Variants in PKP4 observed in about 807,000 individuals in gnomAD.
PKP4 encodes plakophilin 4.
PKP4 carries 90 observed loss-of-function variants against 145.1 expected under a neutral mutation model. The observed-to-expected ratio is 0.62, with a 90% CI of 0.52 to 0.74. The LOEUF (loss-of-function observed/expected upper bound fraction) is 0.74, where lower values mean the gene tolerates loss of function less well. PKP4 is among the 30% of genes least tolerant of loss of function. The pLI, the probability that PKP4 is intolerant of heterozygous loss-of-function variation, is 0.00. For synonymous variants in PKP4, 563 were observed against 577.2 expected, an observed-to-expected ratio of 0.98 and a Z score of 0.35; for missense variants, 1,340 against 1,482.7, an observed-to-expected ratio of 0.90 and a Z score of 1.58.
chr2:158,562,821 AAATTTAAAGTT>A, intron 2 of PKP4, among the ~76,000 whole-genome samples: 1 of 152,320 alleles, frequency 6.6e-6, no homozygotes, highest in African/African-American at 2.4e-5. Flanking sequence ...ACATGATTCA[AAATTTAAAGTT>A]AATTGGGTCC....
At chr2:158,530,749 C>T (rs1459501018) in intron 1 of PKP4, among the ~76,000 whole-genome samples, 6 of 151,808 alleles carry the variant, frequency 4.0e-5, no homozygotes, top group African/African-American at 1.5e-4. Context: ...AGTGTCTCAC[C>T]CTTAGTAACG....
At chr2:158,524,299 C>CA (rs1450566225) in intron 1 of PKP4, among the ~76,000 whole-genome samples, 2 of 96,338 alleles carry the variant, frequency 2.1e-5, no homozygotes, top group Non-Finnish European at 4.0e-5. Flanking sequence ...AGAAACCCTA[C>CA]AAGCCAGAAG....
chr2:158,604,773 AAAG>A (rs2050515977), intron 4 of PKP4, among the ~76,000 whole-genome samples: 1 of 152,212 alleles, frequency 6.6e-6, no homozygotes, highest in South Asian at 2.1e-4. Context: ...TGTGATTACT[AAAG>A]AAAGCCTTTA....
intron 1 of PKP4, among the ~76,000 whole-genome samples, chr2:158,500,765 C>G (rs2216455): frequency 0.68 from 103,118 of 152,062 alleles, 35,246 homozygotes; most frequent in South Asian, 0.83. Context: ...ATGCAAGTAT[C>G]TGGGAGAGGG....
At chr2:158,593,661 T>C (rs1007617046) in intron 3 of PKP4, among the ~76,000 whole-genome samples, 1 of 152,224 alleles carries the variant, frequency 6.6e-6, no homozygotes, top group Non-Finnish European at 1.5e-5. Context: ...TTCATGTTTT[T>C]GCTGTGCATC....
At chr2:158,664,124 T>C (rs2056867666) in intron 15 of PKP4, among the ~76,000 whole-genome samples, 1 of 152,134 alleles carries the variant, frequency 6.6e-6, no homozygotes, top group Non-Finnish European at 1.5e-5. Flanking sequence ...GCTCCCCCAC[T>C]TCCATGGCAG....
intron 1 of PKP4, among the ~76,000 whole-genome samples, chr2:158,511,579 T>C (rs777323855): frequency 9.2e-5 from 14 of 152,204 alleles, no homozygotes; most frequent in Non-Finnish European, 1.6e-4. Context: ...ATCTAGTATT[T>C]AACTGATGTA....
At chr2:158,670,877 G>A (rs2057495428) in intron 17 of PKP4, among the ~76,000 whole-genome samples, 1 of 152,200 alleles carries the variant, frequency 6.6e-6, no homozygotes, top group African/African-American at 2.4e-5. Context: ...TCATGGAGCT[G>A]TAGCAGTGAC....
At chr2:158,650,152 A>C (rs943637493) in intron 11 of PKP4, among the ~76,000 whole-genome samples, 5 of 152,190 alleles carry the variant, frequency 3.3e-5, no homozygotes, top group Non-Finnish European at 5.9e-5. Context: ...TCTGCCCCAG[A>C]AGGATTCTCT....
At chr2:158,519,655 T>C (rs1399550491) in intron 1 of PKP4, among the ~76,000 whole-genome samples, 1 of 152,250 alleles carries the variant, frequency 6.6e-6, no homozygotes, top group African/African-American at 2.4e-5. Flanking sequence ...CAAAGGTCTA[T>C]AGCAGTTATC....
intron 17 of PKP4, among the ~76,000 whole-genome samples, chr2:158,671,959 G>C (rs1203164225): frequency 6.6e-6 from 1 of 152,162 alleles, no homozygotes; most frequent in African/African-American, 2.4e-5. Flanking sequence ...GTTAGAGGGG[G>C]ACATCAAGTG....
intron 6 of PKP4, among the ~76,000 whole-genome samples, chr2:158,622,070 TA>T (rs1283493326): frequency 6.6e-6 from 1 of 152,100 alleles, no homozygotes; most frequent in African/African-American, 2.4e-5. Context: ...TTCCTAAAAA[TA>T]CTAGGGCTAA....
intron 6 of PKP4, among the ~76,000 whole-genome samples, chr2:158,621,878 A>G (rs2052298646): frequency 2.0e-5 from 3 of 152,276 alleles, no homozygotes; most frequent in East Asian, 1.9e-4. Context: ...ATTTTATTCT[A>G]TTTGAGATAC....
chr2:158,538,301 A>G (rs568488120), intron 2 of PKP4, among the ~76,000 whole-genome samples: 2 of 152,314 alleles, frequency 1.3e-5, no homozygotes, highest in East Asian at 3.9e-4. Flanking sequence ...TAGTTTTATA[A>G]TGATTCCAAT....
At chr2:158,538,836 C>T (rs1181202525) in intron 2 of PKP4, among the ~76,000 whole-genome samples, 1 of 152,192 alleles carries the variant, frequency 6.6e-6, no homozygotes, top group Non-Finnish European at 1.5e-5. Context: ...GCCACCACAC[C>T]TGGCCCACAA....
At chr2:158,548,329 A>G (rs964116839) in intron 2 of PKP4, 1 of 152,352 alleles carries the variant, frequency 6.6e-6, no homozygotes, top group East Asian at 1.9e-4. Flanking sequence ...GAGAAATTTA[A>G]TATTTTTATT....
chr2:158,589,454 T>C (rs930059478), intron 3 of PKP4, among the ~76,000 whole-genome samples: 4 of 152,190 alleles, frequency 2.6e-5, no homozygotes, highest in African/African-American at 9.7e-5. Flanking sequence ...AAAAGTTGTG[T>C]TGGCTGTACC....
At chr2:158,649,636 A>G (rs2055161400) in intron 11 of PKP4, among the ~76,000 whole-genome samples, 2 of 152,218 alleles carry the variant, frequency 1.3e-5, no homozygotes, top group African/African-American at 4.8e-5. Flanking sequence ...ATGACCCTGT[A>G]TTTTGAGTGT....
At position 158,457,157 on chromosome 2, in the gene PKP4, G is replaced by C. The variant is rs1440128707; in HGVS notation, c.-67G>C. ...TAATTTTTTCGGGTGCCGCAGCGGC[G>C]ACCCCTCGGCGCCGATGTCCCTGAT... On this transcript the variant is annotated 5_prime_UTR_variant, in exon 1 of 22. Transcript: ENST00000389759. 6.6e-6 allele frequency: 1 copy of C among 151,162 alleles called. No homozygotes were observed. Among genetic ancestry groups the C allele is most frequent in the Non-Finnish European group, 1.5e-5 (1 of 67,726 alleles). The allele number at this position is 151,162 out of a possible 1,614,324, so 9.4% of individuals were successfully genotyped here.
Sources: allele counts gnomAD v4.1 joint callset (sites outside exome capture counted in the v4.1 genomes callset), GRCh38; gene constraint gnomAD v4.1.1; transcripts MANE v1.5; gene names NCBI Gene and HGNC (gene_info 2026-07-23, HGNC 2026-07-21).